GRK3: variants seen among roughly 807,000 people sequenced by gnomAD.
GRK3 encodes G protein-coupled receptor kinase 3.
In GRK3, 54 loss-of-function variants were observed where a neutral mutation model predicts 95.7. That is an observed-to-expected ratio of 0.56 (90% CI 0.45 to 0.71). The LOEUF is 0.71. GRK3 is among the 30% of genes least tolerant of loss of function. The pLI, the probability that GRK3 is intolerant of heterozygous loss-of-function variation, is 0.00. For synonymous variants in GRK3, 281 were observed against 290.8 expected, an observed-to-expected ratio of 0.97 and a Z score of 0.34; for missense variants, 649 against 851.2, an observed-to-expected ratio of 0.76 and a Z score of 2.96.
intron 11 of GRK3, 140 bp downstream of exon 11, chr22:25,687,807 C>T: frequency 1.1e-6 from 1 of 897,594 alleles, no homozygotes; most frequent in Non-Finnish European, 1.7e-6. Context: ...AGCTATATGA[C>T]ATTTTATCTC....
At chr22:25,636,009 A>G (rs749784568) in intron 2 of GRK3, among the ~76,000 whole-genome samples, 5 of 152,126 alleles carry the variant, frequency 3.3e-5, no homozygotes, top group Non-Finnish European at 7.4e-5. Flanking sequence ...GACTCTTCTT[A>G]TTTATTTTGA....
intron 2 of GRK3, among the ~76,000 whole-genome samples, chr22:25,617,875 C>G (rs968521170): frequency 1.3e-5 from 2 of 152,156 alleles, no homozygotes; most frequent in African/African-American, 2.4e-5. Context: ...CTCCTGGGTT[C>G]AAGCGATTCT....
chr22:25,717,595 A>G lies in GRK3; in HGVS notation c.1655-650A>G, dbSNP rs550087497. Among the ~76,000 whole-genome samples, 13 of 152,296 alleles carry G rather than the reference A, an allele frequency of 8.5e-5. No individual in the cohort carries two copies. The Middle Eastern group carries it at 0.01, about 120-fold the overall frequency. On this transcript the variant is annotated intron_variant, in intron 18 of 20. Coordinates refer to ENST00000324198, the MANE Select transcript of GRK3 (RefSeq NM_005160.4). Reference sequence around the variant, plus strand: ...GAAGAAATGAGTGTGTGACTGAATGACTTTAGGACAATCACCAAAGCCTTT... The same window carrying G: ...GAAGAAATGAGTGTGTGACTGAATGGCTTTAGGACAATCACCAAAGCCTTT...
chr22:25,584,063 G>C (rs1048332080), intron 1 of GRK3, among the ~76,000 whole-genome samples: 1 of 152,214 alleles, frequency 6.6e-6, no homozygotes, highest in African/African-American at 2.4e-5. Flanking sequence ...AGAATCAACT[G>C]GGGGCAGAAG....
intron 1 of GRK3, among the ~76,000 whole-genome samples, chr22:25,600,705 C>T (rs2084403846): frequency 6.6e-6 from 1 of 152,092 alleles, no homozygotes; most frequent in African/African-American, 2.4e-5. Flanking sequence ...ATTTTGGGAT[C>T]CGAGGCGGGT....
intron 11 of GRK3, among the ~76,000 whole-genome samples, chr22:25,689,076 AT>A (rs113928579): frequency 0.062 from 8,930 of 143,234 alleles, 454 homozygotes; most frequent in African/African-American, 0.14. Context: ...ATTTCCAAGA[AT>A]TTTTTTTTTT....
chr22:25,718,259 A>T lies in GRK3; in HGVS notation c.1669A>T (p.Lys557Ter). The T allele has an allele frequency of 6.2e-7, 1 of 1,613,904 alleles. No individual in the cohort carries two copies. Among genetic ancestry groups the T allele is most frequent in the Non-Finnish European group, 8.5e-7 (1 of 1,179,906 alleles). ...GTATTCCTCAGATTACGCTCTGGGG[A>T]AGGACTGTATTATGCACGGGTACAT... The part of the protein sequence containing the change: ...LGHEEDYALG[K>*]DCIMHGYMLK... The change falls in exon 19 of 21, where the codon AAG becomes TAG. Residue 557 changes from lysine (K) to a stop codon, truncating the protein, a stop_gained. Coordinates refer to ENST00000324198, the MANE Select transcript of GRK3 (RefSeq NM_005160.4). LOFTEE classifies it high-confidence loss of function.
At chr22:25,713,194 T>C (rs2085357709) in intron 17 of GRK3, among the ~76,000 whole-genome samples, 1 of 152,190 alleles carries the variant, frequency 6.6e-6, no homozygotes, top group Non-Finnish European at 1.5e-5. Context: ...GTTCAGAGCC[T>C]GTCCCTGTGT....
At chr22:25,705,984 T>A (rs2062195652) in intron 15 of GRK3, among the ~76,000 whole-genome samples, 1 of 152,178 alleles carries the variant, frequency 6.6e-6, no homozygotes, top group African/African-American at 2.4e-5. Context: ...GTTCTTCAGC[T>A]TGGAGACCAC....
chr22:25,583,969 A>G (rs1331789208), intron 1 of GRK3, among the ~76,000 whole-genome samples: 1 of 152,278 alleles, frequency 6.6e-6, no homozygotes, highest in African/African-American at 2.4e-5. Flanking sequence ...TCTCTAAACA[A>G]TGCTACGGCA....
At chr22:25,718,745 C>T (rs2085406841) in intron 19 of GRK3, among the ~76,000 whole-genome samples, 1 of 152,170 alleles carries the variant, frequency 6.6e-6, no homozygotes, top group African/African-American at 2.4e-5. Flanking sequence ...ACTTTGAACA[C>T]GTCACATTGA....
chr22:25,717,366 T>G (rs67214996), intron 18 of GRK3, among the ~76,000 whole-genome samples: 17,539 of 152,204 alleles, frequency 0.12, 1,355 homozygotes, highest in Non-Finnish European at 0.17. Flanking sequence ...CCATCACCAC[T>G]GACCCTCCCT....
At chr22:25,586,051 A>G (rs2146323144) in intron 1 of GRK3, among the ~76,000 whole-genome samples, 1 of 152,398 alleles carries the variant, frequency 6.6e-6, no homozygotes, top group South Asian at 2.1e-4. Flanking sequence ...TTCCAGACCC[A>G]TAACAGATTC....
rs550360710 is a variant in GRK3 at position 25,645,164 on chromosome 22, G to A, written c.264+499G>A. Among the ~76,000 whole-genome samples the A allele has an allele frequency of 7.9e-5, 12 of 152,286 alleles. No individual in the cohort carries two copies. The South Asian group carries it at 2.5e-3, about 32-fold the overall frequency. Reference sequence around the variant, plus strand: ...TGGTGAAATCTGAGGTTGGAGGGGAGCTGAAGAGAGAGGCCAGAAACTTCC... The same window carrying A: ...TGGTGAAATCTGAGGTTGGAGGGGAACTGAAGAGAGAGGCCAGAAACTTCC... On this transcript the variant is annotated intron_variant, in intron 3 of 20. Coordinates refer to ENST00000324198, the MANE Select transcript of GRK3 (RefSeq NM_005160.4).
Position 25,674,469 on chromosome 22 carries a change from T to C in GRK3, c.588T>C (p.Ile196=), listed in dbSNP as rs1345242708. The change falls in exon 8 of 21, where the codon ATT becomes ATC. Residue 196 remains isoleucine (I), a synonymous_variant. Coordinates refer to ENST00000324198, the MANE Select transcript of GRK3 (RefSeq NM_005160.4). ...TGAATGAGTTCAGTGTGCATAGGAT[T>C]ATTGGACGAGGAGGATTCGGGGAAG... ...LTMNEFSVHR[I]IGRGGFGEVY... 1 of 1,614,116 alleles carries C rather than the reference T, an allele frequency of 6.2e-7. No homozygotes were observed. The highest frequency in any genetic ancestry group is 8.5e-7 in the Non-Finnish European group (1 of 1,179,980).
At chr22:25,679,661 GTACCCTGT>G (rs2085059741) in intron 9 of GRK3, among the ~76,000 whole-genome samples, 1 of 152,172 alleles carries the variant, frequency 6.6e-6, no homozygotes, top group Non-Finnish European at 1.5e-5. Context: ...CGTCCTCTCA[GTACCCTGT>G]TACAGCGTGT....
At chr22:25,690,339 C>T (rs1332865639) in intron 12 of GRK3, 56 bp downstream of exon 12, 14 of 1,321,210 alleles carry the variant, frequency 1.1e-5, no homozygotes, top group African/African-American at 4.4e-5. Flanking sequence ...CTTTCAAAGG[C>T]GTGGCCATTT....
chr22:25,645,737 A>G (rs543358279), intron 3 of GRK3, among the ~76,000 whole-genome samples: 8 of 152,206 alleles, frequency 5.3e-5, no homozygotes, highest in South Asian at 2.1e-4. Context: ...CCTGGCTAAC[A>G]TGGTGAAACC....
chr22:25,661,601 A>G lies in GRK3; in HGVS notation c.290A>G (p.Asn97Ser). 1 of 1,612,650 alleles carries G rather than the reference A, an allele frequency of 6.2e-7. No individual in the cohort carries two copies. The highest frequency in any genetic ancestry group is 8.5e-7 in the Non-Finnish European group (1 of 1,179,088). The change falls in exon 4 of 21, where the codon AAT (asparagine) becomes AGT (serine). Residue 97 changes from asparagine (N) to serine (S), a missense_variant. Physicochemically the swap from Asn to Ser is conservative, Grantham distance 46. Transcript: ENST00000324198. ...EEIKEYEKLD[N>S]EEDRLCRSRQ... ...ATAAAGGAATATGAAAAACTTGATA[A>G]TGAGGAAGACCGCCTTTGCAGAAGT... is the stretch of plus-strand genomic sequence containing the variant.
Sources: gnomAD v4.1 joint callset for allele counts (sites outside exome capture counted in the v4.1 genomes callset) on GRCh38, gnomAD v4.1.1 for gene constraint, MANE v1.5 for transcripts, NCBI Gene and HGNC (gene_info 2026-07-23, HGNC 2026-07-21) for gene names.